ACACB: variants seen among roughly 807,000 people sequenced by gnomAD.
The protein encoded by ACACB is acetyl-CoA carboxylase 2.
ACACB carries 209 observed loss-of-function variants against 278.8 expected under a neutral mutation model. The observed-to-expected ratio is 0.75, with a 90% confidence interval of 0.67 to 0.84. ACACB has a LOEUF of 0.84. ACACB is among the 40% of genes least tolerant of loss of function. The probability of loss-of-function intolerance (pLI) is 0.00; values close to 1 mark genes in which losing one functional copy is unlikely to be tolerated. For missense variants in ACACB, 2,850 were observed against 3,269.0 expected, an observed-to-expected ratio of 0.87 and a Z score of 3.13; for synonymous variants, 1,174 against 1,285.6, an observed-to-expected ratio of 0.91 and a Z score of 1.86.
intron 24 of ACACB, among the ~76,000 whole-genome samples, chr12:109,218,376 G>C: frequency 9.1e-6 from 1 of 110,090 alleles, no homozygotes; most frequent in East Asian, 3.7e-4. Context: ...TAGTTTGTTT[G>C]TTTGTTTGTT....
At position 109,199,514 on chromosome 12, in the gene ACACB, G is replaced by A; in HGVS notation, c.2740G>A (p.Gly914Ser). 2 of 1,530,548 alleles carry A rather than the reference G, an allele frequency of 1.3e-6. No homozygotes were observed. Among genetic ancestry groups the A allele is most frequent in the Non-Finnish European group, 1.8e-6 (2 of 1,136,530 alleles). The allele number at this position is 1,530,548 out of a possible 1,614,324, so 94.8% of individuals were successfully genotyped here. A position where few individuals can be genotyped will look rare whatever the true frequency, so the allele number is the denominator to read the frequency against. The change falls in exon 18 of 53, where the codon GGC (glycine) becomes AGC (serine). Residue 914 changes from glycine (G) to serine (S), a missense_variant. Coordinates refer to ENST00000338432, the MANE Select transcript of ACACB (RefSeq NM_001093.4). ...KLTQYTVEDG[G>S]HVEAGSSYAE... ...GACACAGTACACAGTGGAGGATGGG[G>A]GCCACGTTGAGGCTGGGAGCAGCTA...
chr12:109,228,174 A>T (rs1426896727), intron 28 of ACACB, among the ~76,000 whole-genome samples: 1 of 151,144 alleles, frequency 6.6e-6, no homozygotes, highest in Non-Finnish European at 1.5e-5. Flanking sequence ...TATCTCTACT[A>T]AAAAAAATAC....
At chr12:109,230,630 A>C (rs907163375) in intron 28 of ACACB, among the ~76,000 whole-genome samples, 1 of 152,084 alleles carries the variant, frequency 6.6e-6, no homozygotes, top group African/African-American at 2.4e-5. Context: ...GGGTCTCACT[A>C]TGTGGCCCAG....
chr12:109,215,614 A>G (rs2045970997), intron 22 of ACACB, among the ~76,000 whole-genome samples: 1 of 152,008 alleles, frequency 6.6e-6, no homozygotes, highest in South Asian at 2.1e-4. Context: ...ATACAAAAAA[A>G]TTAGCCGAGC....
chr12:109,266,553 A>T lies in ACACB; in HGVS notation c.*191A>T. 1.8e-6 allele frequency: 1 copy of T among 542,222 alleles called. No homozygotes were observed. Among genetic ancestry groups the T allele is most frequent in the South Asian group, 4.4e-5 (1 of 22,852 alleles). The allele number at this position is 542,222 out of a possible 1,614,324, so 33.6% of individuals were successfully genotyped here. On this transcript the variant is annotated 3_prime_UTR_variant, in exon 53 of 53. Transcript: ENST00000338432. ...CCAGGAGTGCCTCTTCCAAACAAAAACAGCCTCCTCTCCATAGCTGGGAAG... is the reference window on the plus strand; with the variant it reads ...CCAGGAGTGCCTCTTCCAAACAAAATCAGCCTCCTCTCCATAGCTGGGAAG...
rs778653268 is a variant in ACACB at position 109,193,691 on chromosome 12, G to A, written c.2443G>A (p.Val815Met). 6.2e-7 allele frequency: 1 copy of A among 1,613,964 alleles called. No individual in the cohort carries two copies. ...GGATTCACTACTGAACCTCGTAGAT[G>A]TGGAATTAATTTACGGAGGTGTTAA... ...PADSLLNLVD[V>M]ELIYGGVKYI... The change falls in exon 16 of 53, where the codon GTG becomes ATG. Residue 815 changes from valine to methionine, a missense_variant. By Grantham distance (21) the Val-to-Met change is conservative. Around this residue, in one of 3 missense-constraint regions of ACACB, gnomAD observed 2,265 missense variants for 2,561.3 expected, o/e 0.88. Transcript: ENST00000338432.
chr12:109,171,666 A>G (rs1213984769), intron 4 of ACACB, 139 bp from the exon 5 acceptor site: 6 of 668,620 alleles, frequency 9.0e-6, no homozygotes, highest in African/African-American at 7.3e-5. Context: ...TTACATTTTC[A>G]TACATGTTTG....
chr12:109,178,959 TC>T, intron 9 of ACACB, 128 bp from the exon 10 acceptor site: 1 of 825,878 alleles, frequency 1.2e-6, no homozygotes, highest in Admixed American at 2.3e-5. Flanking sequence ...AAGTAAAAGA[TC>T]AGCAGAGTCC....
intron 1 of ACACB, among the ~76,000 whole-genome samples, chr12:109,122,857 T>C (rs1472439800): frequency 6.6e-6 from 1 of 151,918 alleles, no homozygotes; most frequent in Non-Finnish European, 1.5e-5. Context: ...CTATACCCAT[T>C]TTCCCTATAT....
chr12:109,194,564 C>A (rs1358996030), intron 16 of ACACB, among the ~76,000 whole-genome samples: 1 of 62,246 alleles, frequency 1.6e-5, no homozygotes, highest in African/African-American at 5.5e-5. Flanking sequence ...ATTGGCCTCC[C>A]AAAGTGCTGG....
chr12:109,209,673 A>C (rs2045623117), intron 21 of ACACB, among the ~76,000 whole-genome samples: 1 of 151,646 alleles, frequency 6.6e-6, no homozygotes, highest in Non-Finnish European at 1.5e-5. Flanking sequence ...CATTAGAGGA[A>C]ACTGCAAGTT....
intron 4 of ACACB, among the ~76,000 whole-genome samples, chr12:109,168,391 A>G (rs762136287): frequency 7.2e-5 from 11 of 152,186 alleles, no homozygotes; most frequent in South Asian, 4.1e-4. Flanking sequence ...GAATCATTCT[A>G]TAAACAACTG....
intron 18 of ACACB, among the ~76,000 whole-genome samples, chr12:109,200,492 A>G (rs1423591143): frequency 3.3e-5 from 5 of 152,146 alleles, no homozygotes; most frequent in African/African-American, 7.2e-5. Context: ...CCAAGAATTG[A>G]TTGATAATAA....
intron 15 of ACACB, among the ~76,000 whole-genome samples, chr12:109,193,292 A>T (rs910813931): frequency 4.8e-5 from 7 of 146,686 alleles, no homozygotes; most frequent in Non-Finnish European, 1.0e-4. Context: ...ATCTCAGCTC[A>T]CTGCAACCTC....
chr12:109,145,353 CT>C (rs544041818), intron 2 of ACACB, among the ~76,000 whole-genome samples: 8 of 152,134 alleles, frequency 5.3e-5, no homozygotes, highest in Non-Finnish European at 1.2e-4. Flanking sequence ...AGTTTTGTCA[CT>C]TGGATATAAT....
intron 18 of ACACB, among the ~76,000 whole-genome samples, chr12:109,201,287 C>G (rs1029537173): frequency 2.6e-5 from 4 of 152,216 alleles, no homozygotes; most frequent in African/African-American, 7.2e-5. Context: ...GAAGACTCCC[C>G]CTTTGGAAAT....
chr12:109,242,295 G>A lies in ACACB; in HGVS notation c.5023-142G>A, dbSNP rs2300451. ...ACAGTGGTGAAGAAGGGAGTTTTACGTAGCCCAGGCACTCACTTTGTCATG... is the reference window on the plus strand; with the variant it reads ...ACAGTGGTGAAGAAGGGAGTTTTACATAGCCCAGGCACTCACTTTGTCATG... On this transcript the variant is annotated intron_variant, in intron 36 of 52. Transcript: ENST00000338432. 3,046 of 884,478 alleles carry A rather than the reference G, an allele frequency of 3.4e-3. 81 individuals are homozygous for A. The East Asian group carries it at 0.066, about 19-fold the overall frequency. 54.8% of individuals were successfully genotyped at this position (884,478 alleles called of 1,614,324 possible).
At chr12:109,222,128 A>C (rs577540452) in intron 24 of ACACB, among the ~76,000 whole-genome samples, 453 of 152,134 alleles carry the variant, frequency 3.0e-3, no homozygotes, top group Non-Finnish European at 5.3e-3. Flanking sequence ...CCTGAGCTCA[A>C]GCGATCCTCC....
At chr12:109,226,515 C>T (rs571597516) in intron 27 of ACACB, among the ~76,000 whole-genome samples, 8 of 152,006 alleles carry the variant, frequency 5.3e-5, no homozygotes, top group African/African-American at 1.7e-4. Context: ...GACTGACCAA[C>T]ATGGAGAAAC....
Sources: allele counts gnomAD v4.1 joint callset (sites outside exome capture counted in the v4.1 genomes callset), GRCh38; gene constraint gnomAD v4.1.1; regional missense constraint gnomAD v4.1.1; transcripts MANE v1.5; gene names NCBI Gene and HGNC (gene_info 2026-07-23, HGNC 2026-07-21).